Variants in ANO1 observed in about 807,000 individuals in gnomAD.
ANO1 encodes anoctamin 1.
Under a neutral mutation model 124.0 loss-of-function variants are expected in ANO1, and 59 were observed. The observed-to-expected ratio is 0.48, with a 90% CI of 0.39 to 0.59. The LOEUF is 0.59. Ranked by LOEUF, ANO1 falls within the 20% of genes least tolerant of loss-of-function variation. The probability of loss-of-function intolerance (pLI) is 0.00; values close to 1 mark genes in which losing one functional copy is unlikely to be tolerated. For missense variants in ANO1, 1,059 were observed against 1,328.0 expected (o/e 0.80, Z 3.15); for synonymous variants, 529 against 532.0 (o/e 0.99, Z 0.08).
chr11:70,116,412 A>G, intron 7 of ANO1, 46 bp from the exon 8 acceptor site: 1 of 1,555,568 alleles, frequency 6.4e-7, no homozygotes. Context: ...GCGCCTCCAA[A>G]GCTCCATTGG....
At chr11:70,037,996 G>T (rs1857122216) in intron 1 of ANO1, among the ~76,000 whole-genome samples, 1 of 152,178 alleles carries the variant, frequency 6.6e-6, no homozygotes. Context: ...ATTAAAACGT[G>T]ACTGTCGTGG....
intron 1 of ANO1, among the ~76,000 whole-genome samples, chr11:70,035,538 A>ATATATATATATATATATATATATATAT (rs1857079802): frequency 6.6e-6 from 1 of 151,294 alleles, no homozygotes; most frequent in African/African-American, 2.4e-5. Context: ...ATATATATAT[A>ATATATATATATATATATATATATATAT]CTTTAAGTTC....
chr11:70,055,633 A>G (rs1356167712), intron 1 of ANO1, among the ~76,000 whole-genome samples: 1 of 152,068 alleles, frequency 6.6e-6, no homozygotes, highest in African/African-American at 2.4e-5. Context: ...TAACTTTGTC[A>G]TTTAATTGGA....
At chr11:70,140,254 G>A (rs1280341804) in intron 11 of ANO1, among the ~76,000 whole-genome samples, 1 of 152,168 alleles carries the variant, frequency 6.6e-6, no homozygotes, top group African/African-American at 2.4e-5. Flanking sequence ...GAGTGGCCGG[G>A]CTCAGTGACT....
At chr11:69,967,269 C>T in the ANO1 span, among the ~76,000 whole-genome samples, 1 of 151,654 alleles carries the variant, frequency 6.6e-6, no homozygotes, top group South Asian at 2.1e-4. Context: ...GCCTGTATTG[C>T]ACGTTAGCTA....
intron 1 of ANO1, among the ~76,000 whole-genome samples, chr11:70,021,797 C>T (rs1591039691): frequency 6.6e-6 from 1 of 152,186 alleles, no homozygotes; most frequent in Non-Finnish European, 1.5e-5. Flanking sequence ...CCTCTGTGTC[C>T]ACTGCCCTGC....
intron 1 of ANO1, 36 bp downstream of exon 1, chr11:70,078,750 C>G: frequency 7.4e-7 from 1 of 1,353,424 alleles, no homozygotes; most frequent in Admixed American, 2.6e-5. Context: ...GCGGGAGGGC[C>G]GCGCACCTGC....
At chr11:70,059,348 CAAAAAAAAAA>C (rs1192273449) in intron 1 of ANO1, among the ~76,000 whole-genome samples, 2 of 75,102 alleles carry the variant, frequency 2.7e-5, no homozygotes, top group African/African-American at 1.2e-4. Flanking sequence ...GAGACACTGT[CAAAAAAAAAA>C]AAAAAAAAAA....
At chr11:70,168,130 G>A (rs2048326050) in intron 21 of ANO1, among the ~76,000 whole-genome samples, 1 of 152,184 alleles carries the variant, frequency 6.6e-6, no homozygotes, top group South Asian at 2.1e-4. Flanking sequence ...GAGGCCAGGT[G>A]TGGTCCGCAC....
intron 12 of ANO1, 192 bp downstream of exon 12, chr11:70,149,984 T>C (rs1169536753): frequency 1.5e-6 from 1 of 687,600 alleles, no homozygotes; most frequent in East Asian, 2.8e-5. Context: ...ACACCCTCCA[T>C]GGCCAAAGTG....
intron 1 of ANO1, among the ~76,000 whole-genome samples, chr11:70,065,669 T>G (rs1857699043): frequency 6.7e-6 from 1 of 149,266 alleles, no homozygotes; most frequent in Admixed American, 6.6e-5. Context: ...CAACCTCCTC[T>G]CTGCCCTTGT....
upstream of ANO1, among the ~76,000 whole-genome samples, chr11:69,985,071 G>T (rs1253759454): frequency 6.6e-6 from 1 of 152,206 alleles, no homozygotes; most frequent in African/African-American, 2.4e-5. Flanking sequence ...GAATTGTCCA[G>T]ACCTTGGTTT....
chr11:70,106,243 A>C (rs556940197), intron 5 of ANO1, among the ~76,000 whole-genome samples: 1 of 152,184 alleles, frequency 6.6e-6, no homozygotes, highest in Non-Finnish European at 1.5e-5. Flanking sequence ...AGAGGAGCCA[A>C]CTGAGGTTTG....
In ANO1 at chr11:70,149,810, C is replaced by A. The variant is rs374010347; in HGVS notation, c.1341+18C>A. The A allele has an allele frequency of 1.9e-6, 3 of 1,612,134 alleles. No homozygotes were observed. Among genetic ancestry groups the A allele is most frequent in the Non-Finnish European group, 2.5e-6 (3 of 1,179,006 alleles). ...AGGAAGAGGTCAGTGGGTTTGCCGC[C>A]GTGCATATCACGCCCTTCCCCCACG... On this transcript the variant is annotated intron_variant, in intron 12 of 25. Coordinates refer to ENST00000355303, the MANE Select transcript of ANO1 (RefSeq NM_018043.7).
At chr11:69,994,485 G>A (rs1379753630) in intron 1 of ANO1, among the ~76,000 whole-genome samples, 2 of 151,936 alleles carry the variant, frequency 1.3e-5, no homozygotes, top group Non-Finnish European at 2.9e-5. Flanking sequence ...TAAAAGGAGG[G>A]AGGAAGAGAG....
chr11:70,023,169 T>A (rs920410036), intron 1 of ANO1, among the ~76,000 whole-genome samples: 2 of 152,160 alleles, frequency 1.3e-5, no homozygotes, highest in African/African-American at 4.8e-5. Context: ...GCCACTAAGC[T>A]TTGTTGATCT....
intron 2 of ANO1, among the ~76,000 whole-genome samples, chr11:70,101,217 G>T (rs115997747): frequency 6.6e-6 from 1 of 151,624 alleles, no homozygotes; most frequent in Non-Finnish European, 1.5e-5. Flanking sequence ...CCCTGGGACC[G>T]TCGCGTTCAC....
intron 1 of ANO1, among the ~76,000 whole-genome samples, chr11:70,070,192 G>A (rs1555009133): frequency 6.6e-6 from 1 of 152,124 alleles, no homozygotes; most frequent in Non-Finnish European, 1.5e-5. Context: ...GGTCTCTGTG[G>A]CTCACGTCAT....
intron 1 of ANO1, among the ~76,000 whole-genome samples, chr11:70,061,775 T>C (rs1857583908): frequency 6.6e-6 from 1 of 152,152 alleles, no homozygotes; most frequent in Non-Finnish European, 1.5e-5. Context: ...CCTTAGATGG[T>C]TGTACACATA....
Sources: gnomAD v4.1 joint callset for allele counts (sites outside exome capture counted in the v4.1 genomes callset) on GRCh38, gnomAD v4.1.1 for gene constraint, MANE v1.5 for transcripts, NCBI Gene and HGNC (gene_info 2026-07-23, HGNC 2026-07-21) for gene names.